UBAC1: variants seen among roughly 807,000 people sequenced by gnomAD.
The protein encoded by UBAC1 is UBA domain containing 1.
UBAC1 carries 27 observed loss-of-function variants against 45.9 expected under a neutral mutation model. The observed-to-expected ratio is 0.59, with a 90% CI of 0.43 to 0.81. The LOEUF (loss-of-function observed/expected upper bound fraction) is 0.81, where lower values mean the gene tolerates loss of function less well. UBAC1 is among the 30% of genes least tolerant of loss of function. UBAC1 has a pLI of 0.00. For synonymous variants in UBAC1, 227 were observed against 215.5 expected, an observed-to-expected ratio of 1.05 and a Z score of -0.47; for missense variants, 529 against 539.2, an observed-to-expected ratio of 0.98 and a Z score of 0.19.
At chr9:135,946,128 C>A (rs576559330) in intron 5 of UBAC1, 131 bp from the exon 6 acceptor site, 11 of 1,048,366 alleles carry the variant, frequency 1.0e-5, no homozygotes, top group Admixed American at 2.0e-5. Flanking sequence ...CAGGAGTTGC[C>A]GGTGAGGCAG....
chr9:135,939,697 C>G lies in UBAC1; in HGVS notation c.939G>C (p.Val313=). The change falls in exon 8 of 10, where the codon GTG becomes GTC. Residue 313 remains valine, a synonymous_variant. Transcript: ENST00000371756. ...CCGCGGCATTCTGCTGGTTGTTGTT[C>G]ACTCTGAGGGCATCTATCACCTCTT... is the stretch of plus-strand genomic sequence containing the variant. ...DEKEVIDALR[V]NNNQQNAACE... 1 of 1,613,956 alleles carries G rather than the reference C, an allele frequency of 6.2e-7. No homozygotes were observed. The highest frequency in any genetic ancestry group is 1.1e-5 in the South Asian group (1 of 91,072).
Position 135,946,212 on chromosome 9 carries a change from G to A in UBAC1, c.544+57C>T, listed in dbSNP as rs1422208647. 2.1e-5 allele frequency: 27 copies of A among 1,277,348 alleles called. 1 individual carries two copies. In the South Asian group the frequency reaches 2.1e-4, roughly 10 times the overall value. The allele number at this position is 1,277,348 out of a possible 1,614,324, so 79.1% of individuals were successfully genotyped here. On this transcript the variant is annotated intron_variant, in intron 5 of 9. Transcript: ENST00000371756. ...GTGGTCAGTGCGTGGAGCTGCAGAC[G>A]CTCCCCAAGGCCGGCAGTGAACCGC... is the stretch of plus-strand genomic sequence containing the variant.
At chr9:135,936,608 C>A (rs1407181404) in intron 9 of UBAC1, among the ~76,000 whole-genome samples, 2 of 151,870 alleles carry the variant, frequency 1.3e-5, no homozygotes, top group Non-Finnish European at 2.9e-5. Flanking sequence ...CAATTCTCTG[C>A]CTCAGCTCCA....
At chr9:135,945,476 A>C (rs1375017795) in intron 6 of UBAC1, 1 of 522,826 alleles carries the variant, frequency 1.9e-6, no homozygotes, top group Non-Finnish European at 3.3e-6. Context: ...GTCTAAGGAG[A>C]GGCAAGCGGA....
intron 1 of UBAC1, among the ~76,000 whole-genome samples, chr9:135,959,264 A>C (rs1839503867): frequency 6.6e-6 from 1 of 152,090 alleles, no homozygotes; most frequent in African/African-American, 2.4e-5. Context: ...TGCCACTCTA[A>C]GCCCGGCCCT....
At chr9:135,945,773 G>A (rs569166254) in intron 6 of UBAC1, 116 bp downstream of exon 6, 15 of 777,700 alleles carry the variant, frequency 1.9e-5, no homozygotes, top group South Asian at 1.0e-4. Flanking sequence ...AAAACCCCAC[G>A]TTAGAAATGA....
intron 3 of UBAC1, among the ~76,000 whole-genome samples, chr9:135,949,989 G>A (rs554314299): frequency 9.2e-5 from 14 of 152,316 alleles, no homozygotes; most frequent in African/African-American, 3.4e-4. Flanking sequence ...TGCAGGCCGC[G>A]CCCAGGCCCT....
chr9:135,944,709 G>C (rs1588532485), intron 7 of UBAC1, among the ~76,000 whole-genome samples: 1 of 152,338 alleles, frequency 6.6e-6, no homozygotes, highest in East Asian at 1.9e-4. Context: ...GTGGATGAGT[G>C]GTCAGAAGGA....
At chr9:135,956,966 C>T (rs1014456040) in intron 1 of UBAC1, among the ~76,000 whole-genome samples, 1 of 152,198 alleles carries the variant, frequency 6.6e-6, no homozygotes, top group East Asian at 1.9e-4. Context: ...ACAGGCCGTC[C>T]TCGGACGTCT....
intron 9 of UBAC1, among the ~76,000 whole-genome samples, chr9:135,935,453 C>G (rs1839192041): frequency 1.3e-5 from 2 of 151,932 alleles, no homozygotes; most frequent in Admixed American, 6.6e-5. Flanking sequence ...CAAGACTAGC[C>G]TGAGCAAAAA....
intron 2 of UBAC1, 112 bp from the exon 3 acceptor site, chr9:135,953,865 G>A (rs1211416619): frequency 3.4e-5 from 28 of 816,716 alleles, no homozygotes; most frequent in South Asian, 8.9e-5. Flanking sequence ...TCGGCCGGGC[G>A]CAGTGGCTCC....
chr9:135,937,259 T>C (rs921091461), intron 9 of UBAC1, among the ~76,000 whole-genome samples: 14 of 151,634 alleles, frequency 9.2e-5, no homozygotes, highest in African/African-American at 3.2e-4. Context: ...CTGGCAAACA[T>C]GGTGAAAGCC....
In UBAC1 at chr9:135,945,933, C is replaced by T. The variant is rs199930583; in HGVS notation, c.609G>A (p.Met203Ile). 6.8e-6 allele frequency: 11 copies of T among 1,614,072 alleles called. No homozygotes were observed. In the African/African-American group the frequency reaches 1.5e-4, roughly 22 times the overall value. Residue 203 changes from methionine to isoleucine, a missense_variant, in exon 6 of 10, where the codon ATG (methionine) becomes ATA (isoleucine). Met to Ile is a conservative substitution (Grantham distance 10, BLOSUM62 1). Coordinates refer to ENST00000371756, the MANE Select transcript of UBAC1 (RefSeq NM_016172.3). ...TGGTGGCTCTGTTCTCCGGAAAGCC[C>T]ATCTCCGTGAGCTGCCGCAGGGCAG... The part of the protein sequence containing the change: ...DEAALRQLTE[M>I]GFPENRATKA...
chr9:135,950,293 T>C (rs971093862), intron 3 of UBAC1, among the ~76,000 whole-genome samples: 2 of 152,192 alleles, frequency 1.3e-5, no homozygotes, highest in African/African-American at 2.4e-5. Context: ...AAAACTTGCA[T>C]AGACTTAGCA....
intron 9 of UBAC1, among the ~76,000 whole-genome samples, chr9:135,934,477 G>A (rs1810986): frequency 0.19 from 29,553 of 152,090 alleles, 3,509 homozygotes; most frequent in Non-Finnish European, 0.27. Context: ...TGGCTAATAC[G>A]GTAAAACCCT....
intron 3 of UBAC1, among the ~76,000 whole-genome samples, chr9:135,949,016 C>T (rs1839373585): frequency 6.6e-6 from 1 of 151,458 alleles, no homozygotes; most frequent in Admixed American, 6.6e-5. Flanking sequence ...TGAGATCACA[C>T]CACCGCACTC....
At chr9:135,937,509 A>G (rs1365290459) in intron 9 of UBAC1, among the ~76,000 whole-genome samples, 1 of 150,772 alleles carries the variant, frequency 6.6e-6, no homozygotes, top group African/African-American at 2.4e-5. Flanking sequence ...CTGGGTTCCC[A>G]GTGCCTTCCA....
chr9:135,944,436 G>A (rs529544943), intron 7 of UBAC1, among the ~76,000 whole-genome samples: 6 of 152,314 alleles, frequency 3.9e-5, no homozygotes, highest in African/African-American at 9.6e-5. Flanking sequence ...TGAGCATGTC[G>A]GAGACAGACA....
intron 4 of UBAC1, among the ~76,000 whole-genome samples, chr9:135,946,970 G>A (rs1839345247): frequency 6.6e-6 from 1 of 152,218 alleles, no homozygotes; most frequent in Non-Finnish European, 1.5e-5. Context: ...CACAGGATGG[G>A]AGACACACAT....
Sources: allele counts gnomAD v4.1 joint callset (sites outside exome capture counted in the v4.1 genomes callset), GRCh38; gene constraint gnomAD v4.1.1; transcripts MANE v1.5; gene names NCBI Gene and HGNC (gene_info 2026-07-23, HGNC 2026-07-21).